Variants in DOP1B observed in about 807,000 individuals in gnomAD.
DOP1B encodes protein DOP1B.
DOP1B carries 174 observed loss-of-function variants against 233.5 expected under a neutral mutation model. That is an observed-to-expected ratio of 0.75 (90% confidence interval 0.66 to 0.85). The LOEUF is 0.85. DOP1B is among the 40% of genes least tolerant of loss of function. The probability of loss-of-function intolerance (pLI) is 0.00; values close to 1 mark genes in which losing one functional copy is unlikely to be tolerated. For missense variants in DOP1B, 2,652 were observed against 2,846.6 expected, an observed-to-expected ratio of 0.93 and a Z score of 1.56; for synonymous variants, 1,190 against 1,185.6, an observed-to-expected ratio of 1.00 and a Z score of -0.08.
chr21:36,223,963 C>G (rs2066654189), intron 11 of DOP1B, among the ~76,000 whole-genome samples: 1 of 152,136 alleles, frequency 6.6e-6, no homozygotes, highest in African/African-American at 2.4e-5. Flanking sequence ...AAACTTATTT[C>G]TTGTTCATCT....
intron 2 of DOP1B, among the ~76,000 whole-genome samples, chr21:36,174,151 C>T (rs1247161748): frequency 1.3e-5 from 2 of 152,194 alleles, no homozygotes; most frequent in East Asian, 1.9e-4. Flanking sequence ...TAGTGAACTA[C>T]TCCAGCCCTT....
rs770674531 is a variant in DOP1B at position 36,200,535 on chromosome 21, C to T, written c.491+34C>T. ...GCGTCTTGTCCAGGCTGTGTTTACTCCACTGCTTTATAAGACGCGGGGAGG... is the reference window on the plus strand; with the variant it reads ...GCGTCTTGTCCAGGCTGTGTTTACTTCACTGCTTTATAAGACGCGGGGAGG... On this transcript the variant is annotated intron_variant, in intron 4 of 36. Transcript: ENST00000691173. 2.6e-6 allele frequency: 4 copies of T among 1,568,206 alleles called. No homozygotes were observed. In the Admixed American group the frequency reaches 5.7e-5, roughly 22 times the overall value.
At chr21:36,242,676 T>TGAC (rs576340344) in intron 18 of DOP1B, among the ~76,000 whole-genome samples, 8 of 152,190 alleles carry the variant, frequency 5.3e-5, no homozygotes, top group Non-Finnish European at 8.8e-5. Flanking sequence ...TGTTTCCTGC[T>TGAC]GACCACAGAA....
intron 14 of DOP1B, among the ~76,000 whole-genome samples, chr21:36,231,867 G>A (rs1192104325): frequency 8.0e-6 from 1 of 125,188 alleles, no homozygotes; most frequent in Admixed American, 8.6e-5. Context: ...TTTTTTTTGA[G>A]ACAGCGTCTT....
In DOP1B at chr21:36,293,330, G is replaced by A. The variant is rs1182583536; in HGVS notation, c.6656G>A (p.Ser2219Asn). 1.2e-6 allele frequency: 2 copies of A among 1,614,104 alleles called. No individual in the cohort carries two copies. Reference sequence around the variant, plus strand: ...TTGTTTTTTCTGCAGGAAATCAGTAGCTCTGATGAGATCACCATGAAGAGT... The same window carrying A: ...TTGTTTTTTCTGCAGGAAATCAGTAACTCTGATGAGATCACCATGAAGAGT... The part of the protein sequence containing the change: ...LLKLKFGEIS[S>N]SDEITMKSEF... The change falls in exon 37 of 37, where the codon AGC (serine) becomes AAC (asparagine). Residue 2219 changes from serine (S) to asparagine (N), a missense_variant. Physicochemically the swap from Ser to Asn is conservative, Grantham distance 46. Coordinates refer to ENST00000691173, the MANE Select transcript of DOP1B (RefSeq NM_001320714.2).
intron 2 of DOP1B, among the ~76,000 whole-genome samples, chr21:36,187,862 A>G (rs2066182055): frequency 1.3e-5 from 2 of 152,206 alleles, no homozygotes; most frequent in African/African-American, 4.8e-5. Flanking sequence ...CGGCCTCCCA[A>G]AGTGCTGGGA....
chr21:36,187,319 G>T (rs931935234), intron 2 of DOP1B, among the ~76,000 whole-genome samples: 9 of 151,934 alleles, frequency 5.9e-5, no homozygotes, highest in Non-Finnish European at 5.9e-5. Flanking sequence ...CTTTCGACAA[G>T]AGTTTTGCTC....
At chr21:36,166,054 A>T (rs2065908774) in intron 2 of DOP1B, among the ~76,000 whole-genome samples, 1 of 151,564 alleles carries the variant, frequency 6.6e-6, no homozygotes, top group African/African-American at 2.4e-5. Flanking sequence ...TGATGATCTG[A>T]GGTGGTACAA....
rs115360720 is a variant in DOP1B at position 36,162,478 on chromosome 21, C to T, written c.-26-2230C>T. 2.6e-3 allele frequency among the ~76,000 whole-genome samples: 393 copies of T among 152,270 alleles called. 2 individuals carry two copies. The highest frequency in any genetic ancestry group is 9.1e-3 in the African/African-American group (380 of 41,552). On this transcript the variant is annotated intron_variant, in intron 1 of 36. Coordinates refer to ENST00000691173, the MANE Select transcript of DOP1B (RefSeq NM_001320714.2). ...CCAGGATTTCAGATGTGAGCCACTC[C>T]GTTCAGCTGGTGTCCCTTTTAAAAG... is the stretch of plus-strand genomic sequence containing the variant.
chr21:36,259,123 G>A (rs1428583389), intron 23 of DOP1B, among the ~76,000 whole-genome samples: 2 of 151,756 alleles, frequency 1.3e-5, no homozygotes, highest in African/African-American at 2.4e-5. Flanking sequence ...CCGCCACCAC[G>A]CCCGGCTAAT....
Position 36,257,717 on chromosome 21 carries a change from G to GGTAGGTAGATAGAT in DOP1B, c.5260-2952_5260-2951insATAGATGTAGGTAG, listed in dbSNP as rs1352945162. ...GTAGGTAGAGAGATGGATGTAGGTA[G>GGTAGGTAGATAGAT]GTAGGTAGGTAGATAGATGTAGGTA... On this transcript the variant is annotated intron_variant, in intron 23 of 36. Transcript: ENST00000691173. Among the ~76,000 whole-genome samples, 5 of 151,738 alleles carry GGTAGGTAGATAGAT rather than the reference G, an allele frequency of 3.3e-5. No homozygotes were observed. The East Asian group carries it at 9.7e-4, about 30-fold the overall frequency.
chr21:36,211,864 G>T (rs894869768), intron 6 of DOP1B, 110 bp from the exon 7 acceptor site: 78 of 1,517,426 alleles, frequency 5.1e-5, no homozygotes, highest in Non-Finnish European at 6.8e-5. Flanking sequence ...TAAGGAACCA[G>T]CCCATTTTGA....
chr21:36,280,178 A>C, intron 30 of DOP1B, 107 bp from the exon 31 acceptor site: 2 of 804,816 alleles, frequency 2.5e-6, no homozygotes, highest in Non-Finnish European at 3.9e-6. Context: ...CCTGGCCCAG[A>C]AAGCAGTTTT....
chr21:36,157,145 G>T (rs1385217724), intron 1 of DOP1B, among the ~76,000 whole-genome samples: 1 of 152,066 alleles, frequency 6.6e-6, no homozygotes, highest in East Asian at 1.9e-4. Flanking sequence ...CAGTGCGGGG[G>T]CGGAGAGCTC....
In DOP1B at chr21:36,227,464, G is replaced by A. The variant is rs533430929; in HGVS notation, c.1474-222G>A. On this transcript the variant is annotated intron_variant, in intron 12 of 36. Coordinates refer to ENST00000691173, the MANE Select transcript of DOP1B (RefSeq NM_001320714.2). The stretch of plus-strand genomic sequence containing the variant: ...CGGGAGGCTGAGGCAGGAGAATGGC[G>A]TGAACCCGGGAGGCTGAGCTTGCAG... Among the ~76,000 whole-genome samples, 1,511 of 151,416 alleles carry A rather than the reference G, an allele frequency of 1.0e-2. 11 individuals carry two copies. Among genetic ancestry groups the A allele is most frequent in the Admixed American group, 0.019 (292 of 15,160 alleles).
chr21:36,278,366 C>T lies in DOP1B; in HGVS notation c.5969+11C>T. The T allele has an allele frequency of 6.2e-7, 1 of 1,605,078 alleles. No individual in the cohort carries two copies. The highest frequency in any genetic ancestry group is 1.1e-5 in the South Asian group (1 of 89,876). ...TACTTCCTGTGTTCAGTAAGATATG[C>T]TGTCCTGATAACAACGTGCTCTGAA... On this transcript the variant is annotated intron_variant, in intron 30 of 36. Coordinates refer to ENST00000691173, the MANE Select transcript of DOP1B (RefSeq NM_001320714.2).
intron 26 of DOP1B, among the ~76,000 whole-genome samples, chr21:36,269,148 T>G (rs2067259963): frequency 6.6e-6 from 1 of 152,152 alleles, no homozygotes; most frequent in Non-Finnish European, 1.5e-5. Flanking sequence ...ATCTGATTAA[T>G]AGGTTGTTTT....
At chr21:36,212,153 C>A in intron 7 of DOP1B, 56 bp downstream of exon 7, 1 of 1,494,104 alleles carries the variant, frequency 6.7e-7, no homozygotes, top group South Asian at 1.4e-5. Flanking sequence ...CCTTTTAGTG[C>A]TGACTTCTGG....
chr21:36,166,078 G>C (rs1270004998), intron 2 of DOP1B, among the ~76,000 whole-genome samples: 3 of 151,456 alleles, frequency 2.0e-5, no homozygotes, highest in East Asian at 3.9e-4. Context: ...CAGATCTACA[G>C]TTTCATCCTG....
Sources: gnomAD v4.1 joint callset for allele counts (sites outside exome capture counted in the v4.1 genomes callset) on GRCh38, gnomAD v4.1.1 for gene constraint, MANE v1.5 for transcripts, NCBI Gene and HGNC (gene_info 2026-07-23, HGNC 2026-07-21) for gene names.